PROS1: variants seen among roughly 807,000 people sequenced by gnomAD.
PROS1 encodes the protein vitamin K-dependent protein S.
Under a neutral mutation model 75.9 loss-of-function variants are expected in PROS1, and 29 were observed. The observed-to-expected ratio is 0.38, with a 90% CI of 0.28 to 0.52. The LOEUF is 0.52. Among genes scored for constraint, PROS1 ranks in the 20% least tolerant of loss-of-function variants. The pLI is 0.83. For synonymous variants in PROS1, 245 were observed against 280.6 expected, an observed-to-expected ratio of 0.87 and a Z score of 1.27; for missense variants, 680 against 810.3, an observed-to-expected ratio of 0.84 and a Z score of 1.95.
chr3:93,887,765 C>T (rs1213150248), intron 10 of PROS1, among the ~76,000 whole-genome samples: 1 of 152,190 alleles, frequency 6.6e-6, no homozygotes, highest in African/African-American at 2.4e-5. Context: ...GCTGGATCCT[C>T]CCCTCCCCAC....
intron 6 of PROS1, among the ~76,000 whole-genome samples, chr3:93,905,176 T>C (rs961583467): frequency 7.2e-5 from 11 of 152,314 alleles, no homozygotes; most frequent in African/African-American, 2.4e-4. Context: ...GGATAAACAA[T>C]GATTTTGCAA....
At chr3:93,940,057 C>T (rs1031853238) in intron 1 of PROS1, among the ~76,000 whole-genome samples, 5 of 152,268 alleles carry the variant, frequency 3.3e-5, no homozygotes, top group Non-Finnish European at 5.9e-5. Context: ...TCAGGACCTC[C>T]TCCCCCAGGA....
At chr3:93,886,987 C>T (rs1708358057) in intron 10 of PROS1, among the ~76,000 whole-genome samples, 2 of 150,070 alleles carry the variant, frequency 1.3e-5, no homozygotes, top group East Asian at 2.0e-4. Flanking sequence ...GGCGCAATCT[C>T]GGCTCACTGC....
chr3:93,936,117 T>A (rs1327949077), intron 1 of PROS1, among the ~76,000 whole-genome samples: 1 of 151,396 alleles, frequency 6.6e-6, no homozygotes, highest in African/African-American at 2.4e-5. Context: ...CGCTCCAAAT[T>A]CATATGTTGA....
At chr3:93,884,680 A>G in intron 12 of PROS1, 48 bp downstream of exon 12, 4 of 1,534,554 alleles carry the variant, frequency 2.6e-6, no homozygotes, top group Non-Finnish European at 3.6e-6. Context: ...GTTAATGAAT[A>G]AATTTACTCA....
chr3:93,874,893 G>A (rs1044603190), intron 14 of PROS1, among the ~76,000 whole-genome samples: 1 of 151,638 alleles, frequency 6.6e-6, no homozygotes, highest in Admixed American at 6.6e-5. Flanking sequence ...CAATTTTTTT[G>A]TTGAGCATAC....
At chr3:93,928,446 A>G (rs1339776782) in intron 1 of PROS1, among the ~76,000 whole-genome samples, 1 of 151,360 alleles carries the variant, frequency 6.6e-6, no homozygotes, top group Non-Finnish European at 1.5e-5. Context: ...AGACACGAGA[A>G]TCATTTGAAC....
intron 4 of PROS1, among the ~76,000 whole-genome samples, chr3:93,908,166 T>A (rs1708704715): frequency 6.6e-6 from 1 of 152,100 alleles, no homozygotes; most frequent in Non-Finnish European, 1.5e-5. Flanking sequence ...AAATTTTCAA[T>A]TTGGACTAAG....
intron 3 of PROS1, among the ~76,000 whole-genome samples, chr3:93,916,870 T>G (rs1442472257): frequency 2.0e-5 from 3 of 152,228 alleles, no homozygotes; most frequent in Non-Finnish European, 4.4e-5. Context: ...TTTTGCCGCT[T>G]TCTATAGGCA....
At chr3:93,936,662 C>A (rs1709188802) in intron 1 of PROS1, among the ~76,000 whole-genome samples, 2 of 152,008 alleles carry the variant, frequency 1.3e-5, no homozygotes, top group Admixed American at 6.6e-5. Flanking sequence ...TCCAGAACTG[C>A]AAGAAAATAA....
intron 4 of PROS1, among the ~76,000 whole-genome samples, chr3:93,906,486 C>T (rs570297133): frequency 2.0e-5 from 3 of 152,274 alleles, no homozygotes; most frequent in South Asian, 4.1e-4. Context: ...GTCGTGGCTC[C>T]GGACCCGGGT....
At chr3:93,972,221 T>A (rs1262198734) in intron 1 of PROS1, among the ~76,000 whole-genome samples, 1 of 152,238 alleles carries the variant, frequency 6.6e-6, no homozygotes, top group Non-Finnish European at 1.5e-5. Context: ...TATTTAATTG[T>A]CCTAATGAAC....
rs114925973 is a variant in PROS1 at position 93,912,788 on chromosome 3, A to G, written c.260-2083T>C. On this transcript the variant is annotated intron_variant, in intron 3 of 14. Coordinates refer to ENST00000394236, the MANE Select transcript of PROS1 (RefSeq NM_000313.4). Reference sequence around the variant, plus strand: ...ATTTGCAGCCTCAAGCCCTTTTATAATTGGTGTTAGGCTATTCATGATGGT... The same window carrying G: ...ATTTGCAGCCTCAAGCCCTTTTATAGTTGGTGTTAGGCTATTCATGATGGT... Among the ~76,000 whole-genome samples, 1,057 of 152,268 alleles carry G rather than the reference A, an allele frequency of 6.9e-3. 8 individuals are homozygous for G. The highest frequency in any genetic ancestry group is 0.024 in the African/African-American group (993 of 41,552).
Position 93,900,810 on chromosome 3 carries a change from A to G in PROS1, c.721T>C (p.Cys241Arg). The G allele has an allele frequency of 6.2e-7, 1 of 1,612,858 alleles. No homozygotes were observed. The highest frequency in any genetic ancestry group is 8.5e-7 in the Non-Finnish European group (1 of 1,179,842). ...GATACCACCATCATCCTACCTTCAC[A>G]AGACTTTGATTTGAGATTATATCTG... Reference protein sequence around the residue: ...GYRYNLKSKSCEDIDECSENM... With the variant: ...GYRYNLKSKSREDIDECSENM... Residue 241 changes from cysteine to arginine, a missense_variant, in exon 7 of 15, where the codon TGT becomes CGT. By Grantham distance (180) the Cys-to-Arg change is radical (BLOSUM62 -3). Transcript: ENST00000394236.
chr3:93,876,876 T>C (rs1364221322), intron 14 of PROS1, 90 bp downstream of exon 14: 2 of 871,016 alleles, frequency 2.3e-6, no homozygotes, highest in East Asian at 5.5e-5. Flanking sequence ...TGTTCCCTTC[T>C]GATGCTTTTT....
chr3:93,967,771 C>T (rs964823506), intron 1 of PROS1, among the ~76,000 whole-genome samples: 1 of 152,016 alleles, frequency 6.6e-6, no homozygotes, highest in African/African-American at 2.4e-5. Context: ...CACCTATAGT[C>T]CTAGTTACTT....
At chr3:93,963,288 T>A (rs931145679) in intron 1 of PROS1, among the ~76,000 whole-genome samples, 2 of 152,192 alleles carry the variant, frequency 1.3e-5, no homozygotes, top group African/African-American at 4.8e-5. Context: ...CAGCTCATCA[T>A]AAGCGGGATG....
chr3:93,907,846 G>A (rs1172610249), intron 4 of PROS1, among the ~76,000 whole-genome samples: 1 of 152,180 alleles, frequency 6.6e-6, no homozygotes, highest in Non-Finnish European at 1.5e-5. Context: ...GAGGTAGACA[G>A]AACAATACTA....
intron 1 of PROS1, among the ~76,000 whole-genome samples, chr3:93,963,180 A>G (rs1291630675): frequency 6.6e-6 from 1 of 152,200 alleles, no homozygotes; most frequent in Non-Finnish European, 1.5e-5. Flanking sequence ...TTCTTTTGAG[A>G]AACTGCTCTT....
Sources: gnomAD v4.1 joint callset for allele counts (sites outside exome capture counted in the v4.1 genomes callset) on GRCh38, gnomAD v4.1.1 for gene constraint, MANE v1.5 for transcripts, NCBI Gene and HGNC (gene_info 2026-07-23, HGNC 2026-07-21) for gene names.